Variants in HOMER2 observed in about 807,000 individuals in gnomAD.
HOMER2 encodes homer scaffold protein 2, also known as homer protein homolog 2.
A neutral mutation model predicts 47.0 loss-of-function variants in HOMER2; 27 were observed. The ratio of observed to expected loss-of-function variants is 0.57; its 90% confidence interval spans 0.42 to 0.79. HOMER2 has a LOEUF of 0.79. HOMER2 is among the 30% of genes least tolerant of loss of function. The probability of loss-of-function intolerance (pLI) is 0.00; values close to 1 mark genes in which losing one functional copy is unlikely to be tolerated. For synonymous variants in HOMER2, 161 were observed against 163.8 expected, an observed-to-expected ratio of 0.98 and a Z score of 0.13; for missense variants, 443 against 435.0, an observed-to-expected ratio of 1.02 and a Z score of -0.16.
chr15:82,862,532 A>T (rs191135204), intron 4 of HOMER2, among the ~76,000 whole-genome samples: 2 of 152,338 alleles, frequency 1.3e-5, no homozygotes, highest in African/African-American at 4.8e-5. Flanking sequence ...ATATCACTGT[A>T]CTATGCGGTA....
At chr15:82,919,399 A>G (rs1435215881) in intron 1 of HOMER2, among the ~76,000 whole-genome samples, 1 of 152,252 alleles carries the variant, frequency 6.6e-6, no homozygotes, top group Non-Finnish European at 1.5e-5. Context: ...AGCTCAGCCC[A>G]GTGAGGGAGA....
At chr15:82,843,442 C>CAAAAAAAAAAAAAAAAA (rs56335970) in exon 2 of HOMER2, 2 of 20,512 alleles carry the variant, frequency 9.8e-5, no homozygotes, top group East Asian at 1.2e-3. Flanking sequence ...GACCCCGTCT[C>CAAAAAAAAAAAAAAAAA]AAAAAAAAAA....
chr15:82,849,837 T>C lies in HOMER2; in HGVS notation c.910A>G (p.Ser304Gly), dbSNP rs1479214150. The C allele has an allele frequency of 1.9e-6, 3 of 1,613,962 alleles. No individual in the cohort carries two copies. The highest frequency in any genetic ancestry group is 1.7e-6 in the Non-Finnish European group (2 of 1,179,874). ...VRSLKTDIEE[S>G]KYRQRHLKVE... ...TTCAGGTGGCGCTGTCGGTATTTGC[T>C]CTCCTCAATGTCTGTCTTTAAGGAA... is the stretch of plus-strand genomic sequence containing the variant. Residue 304 changes from serine (S) to glycine (G), a missense_variant, in exon 9 of 9, where the codon AGC becomes GGC. Coordinates refer to ENST00000450735, the MANE Select transcript of HOMER2 (RefSeq NM_004839.4).
intron 1 of HOMER2, among the ~76,000 whole-genome samples, chr15:82,973,288 C>G (rs1567079768): frequency 6.6e-6 from 1 of 152,158 alleles, no homozygotes; most frequent in African/African-American, 2.4e-5. Flanking sequence ...CTGAGTTATC[C>G]CTTCCATGGG....
At chr15:82,836,717 G>A (rs937551505), downstream of HOMER2, among the ~76,000 whole-genome samples, 1 of 152,218 alleles carries the variant, frequency 6.6e-6, no homozygotes, top group South Asian at 2.1e-4. Flanking sequence ...TCAGACTTGT[G>A]TATTCATCTG....
chr15:82,980,938 G>A (rs974176532), intron 1 of HOMER2, among the ~76,000 whole-genome samples: 2 of 152,084 alleles, frequency 1.3e-5, no homozygotes, highest in African/African-American at 2.4e-5. Flanking sequence ...TGTAAAATAC[G>A]CATGTCGGGG....
At chr15:82,974,992 C>T (rs919961700) in intron 1 of HOMER2, among the ~76,000 whole-genome samples, 4 of 152,280 alleles carry the variant, frequency 2.6e-5, no homozygotes, top group East Asian at 1.9e-4. Context: ...ATCACGTGAA[C>T]CCAGGTGGCA....
intron 3 of HOMER2, among the ~76,000 whole-genome samples, chr15:82,868,794 G>A (rs909020194): frequency 1.3e-5 from 2 of 150,948 alleles, no homozygotes; most frequent in African/African-American, 2.4e-5. Context: ...CAGGTGATTC[G>A]CCTGTCTTGG....
chr15:82,940,476 G>T (rs901349662), intron 1 of HOMER2, among the ~76,000 whole-genome samples: 1 of 152,180 alleles, frequency 6.6e-6, no homozygotes, highest in East Asian at 1.9e-4. Flanking sequence ...GGGCGTGGTG[G>T]GTCACGCCTG....
intron 1 of HOMER2, among the ~76,000 whole-genome samples, chr15:82,948,102 C>G (rs1438824472): frequency 1.3e-5 from 2 of 152,022 alleles, no homozygotes; most frequent in African/African-American, 2.4e-5. Context: ...AAAGAATTAG[C>G]TGGGTGTGGC....
chr15:82,976,261 T>C (rs1028347793), intron 1 of HOMER2, among the ~76,000 whole-genome samples: 2 of 152,082 alleles, frequency 1.3e-5, no homozygotes, highest in African/African-American at 4.8e-5. Context: ...TATCTCTCCC[T>C]GCATCCCATT....
At chr15:82,959,992 T>C (rs1394512048) in intron 1 of HOMER2, among the ~76,000 whole-genome samples, 1 of 152,202 alleles carries the variant, frequency 6.6e-6, no homozygotes, top group Non-Finnish European at 1.5e-5. Context: ...TAAGGATTAT[T>C]TGCCTCCGAT....
chr15:82,896,113 CAG>C (rs2052905543), intron 1 of HOMER2, among the ~76,000 whole-genome samples: 1 of 152,040 alleles, frequency 6.6e-6, no homozygotes, highest in Non-Finnish European at 1.5e-5. Context: ...GGACCAAGAA[CAG>C]GGTCTCTGGA....
At chr15:82,962,323 C>G (rs2054637334) in intron 1 of HOMER2, among the ~76,000 whole-genome samples, 1 of 149,248 alleles carries the variant, frequency 6.7e-6, no homozygotes, top group South Asian at 2.1e-4. Flanking sequence ...TGAGATTGCG[C>G]CACTGCACTC....
chr15:82,847,190 TA>T (rs1247577043), downstream of HOMER2: 1 of 152,190 alleles, frequency 6.6e-6, no homozygotes, highest in African/African-American at 2.4e-5. Context: ...GATGTCAGAA[TA>T]AACGAGGGCA....
chr15:82,893,929 T>G (rs1217893412), intron 1 of HOMER2, among the ~76,000 whole-genome samples: 1 of 152,220 alleles, frequency 6.6e-6, no homozygotes, highest in African/African-American at 2.4e-5. Flanking sequence ...TTATAGGGCA[T>G]GAACCACTGC....
chr15:82,929,956 C>T (rs1327160371), intron 1 of HOMER2, among the ~76,000 whole-genome samples: 10 of 151,880 alleles, frequency 6.6e-5, no homozygotes, highest in African/African-American at 1.5e-4. Flanking sequence ...TCTTGAACTC[C>T]GACCTCCAGT....
In HOMER2 at chr15:82,867,367, GAA is replaced by G. The variant is rs10583915; in HGVS notation, c.295-3110_295-3109del. ...AATTTAAAGCTTTTGAATATAAAAG[GAA>G]AAAAAAAAAAAACTAAACCAGAAGG... On this transcript the variant is annotated intron_variant, in intron 3 of 8. Transcript: ENST00000450735. Among the ~76,000 whole-genome samples, 1,094 of 133,978 alleles carry G rather than the reference GAA, an allele frequency of 8.2e-3. 16 individuals carry two copies. Among genetic ancestry groups the G allele is most frequent in the African/African-American group, 0.028 (1,032 of 36,720 alleles). 87.9% of individuals were successfully genotyped at this position (133,978 alleles called of 152,430 possible). A position where few individuals can be genotyped will look rare whatever the true frequency, so the allele number is the denominator to read the frequency against.
chr15:82,874,438 CA>C (rs897339117), intron 3 of HOMER2, among the ~76,000 whole-genome samples: 1 of 152,190 alleles, frequency 6.6e-6, no homozygotes, highest in Admixed American at 6.5e-5. Context: ...GTCTCTAAAA[CA>C]GGCTCTCAGC....
Sources: allele counts gnomAD v4.1 joint callset (sites outside exome capture counted in the v4.1 genomes callset), GRCh38; gene constraint gnomAD v4.1.1; transcripts MANE v1.5; gene names NCBI Gene and HGNC (gene_info 2026-07-23, HGNC 2026-07-21).